The following UBE2E1 variants were observed in gnomAD, a reference collection of about 807,000 sequenced individuals.
UBE2E1 encodes ubiquitin-conjugating enzyme E2 E1.
A neutral mutation model predicts 21.4 loss-of-function variants in UBE2E1; 6 were observed. That is an observed-to-expected ratio of 0.28 (90% CI 0.15 to 0.55). The LOEUF (loss-of-function observed/expected upper bound fraction) is 0.55, where lower values mean the gene tolerates loss of function less well. Ranked by LOEUF, UBE2E1 falls within the 20% of genes least tolerant of loss-of-function variation. The pLI, the probability that UBE2E1 is intolerant of heterozygous loss-of-function variation, is 0.93. For synonymous variants in UBE2E1, 87 were observed against 82.7 expected, an observed-to-expected ratio of 1.05 and a Z score of -0.28; for missense variants, 142 against 236.5, an observed-to-expected ratio of 0.60 and a Z score of 2.62.
intron 3 of UBE2E1, among the ~76,000 whole-genome samples, chr3:23,849,011 G>A (rs1383243391): frequency 6.6e-6 from 1 of 152,172 alleles, no homozygotes; most frequent in Non-Finnish European, 1.5e-5. Flanking sequence ...GATATACCAT[G>A]TTTATCCATA....
At chr3:23,856,331 T>C (rs1222478130) in intron 3 of UBE2E1, among the ~76,000 whole-genome samples, 1 of 152,340 alleles carries the variant, frequency 6.6e-6, no homozygotes, top group Non-Finnish European at 1.5e-5. Flanking sequence ...TGGTTTCTTA[T>C]ATCATACTGT....
At chr3:23,867,966 T>C (rs1396998367) in intron 3 of UBE2E1, among the ~76,000 whole-genome samples, 2 of 152,204 alleles carry the variant, frequency 1.3e-5, no homozygotes, top group African/African-American at 2.4e-5. Flanking sequence ...CATTGGGCTA[T>C]AGATGGGAAT....
At position 23,889,213 on chromosome 3, in the gene UBE2E1, T is replaced by C. The variant is rs767713620; in HGVS notation, c.438T>C (p.Ser146=). The change falls in exon 5 of 6, where the codon TCT becomes TCC. Residue 146 remains serine (S), a synonymous_variant. Coordinates refer to ENST00000306627, the MANE Select transcript of UBE2E1 (RefSeq NM_003341.5). ...KDNWSPALTI[S]KVLLSICSLL... Reference sequence around the variant, plus strand: ...ATTGGAGTCCAGCACTAACCATTTCTAAAGTCCTCCTTTCTATCTGCTCAC... The same window carrying C: ...ATTGGAGTCCAGCACTAACCATTTCCAAAGTCCTCCTTTCTATCTGCTCAC... 6.2e-7 allele frequency: 1 copy of C among 1,613,848 alleles called. No individual in the cohort carries two copies. Among genetic ancestry groups the C allele is most frequent in the African/African-American group, 1.3e-5 (1 of 75,056 alleles).
chr3:23,819,845 A>C (rs1208704568), intron 3 of UBE2E1, among the ~76,000 whole-genome samples: 1 of 152,182 alleles, frequency 6.6e-6, no homozygotes, highest in Non-Finnish European at 1.5e-5. Context: ...AAAAGATGTG[A>C]TCTCTGCTGC....
chr3:23,854,339 A>G (rs994331347), intron 3 of UBE2E1, among the ~76,000 whole-genome samples: 5 of 152,076 alleles, frequency 3.3e-5, no homozygotes, highest in African/African-American at 1.2e-4. Flanking sequence ...AGATATACCA[A>G]AGTATTTGGG....
intron 3 of UBE2E1, among the ~76,000 whole-genome samples, chr3:23,839,070 G>A (rs1575821361): frequency 6.6e-6 from 1 of 151,804 alleles, no homozygotes; most frequent in East Asian, 1.9e-4. Flanking sequence ...CCCTCTCCCA[G>A]CATTAGTGCT....
At position 23,871,869 on chromosome 3, in the gene UBE2E1, G is replaced by A. The variant is rs1439620352; in HGVS notation, c.204-15698G>A. 2.6e-5 allele frequency among the ~76,000 whole-genome samples: 4 copies of A among 151,846 alleles called. No homozygotes were observed. The South Asian group carries it at 6.3e-4, about 24-fold the overall frequency. Reference sequence around the variant, plus strand: ...CTAGATGGGATGGCGGCGGGGCAGAGACGCTCCTCACTTTCCAGACTGGGC... The same window carrying A: ...CTAGATGGGATGGCGGCGGGGCAGAAACGCTCCTCACTTTCCAGACTGGGC... On this transcript the variant is annotated intron_variant, in intron 3 of 5. Transcript: ENST00000306627.
chr3:23,844,916 C>T (rs1348925496), intron 3 of UBE2E1, among the ~76,000 whole-genome samples: 2 of 152,008 alleles, frequency 1.3e-5, no homozygotes, highest in South Asian at 2.1e-4. Flanking sequence ...CAGAGATGGA[C>T]ATGTGTATAT....
chr3:23,872,207 C>T (rs1700813257), intron 3 of UBE2E1, among the ~76,000 whole-genome samples: 1 of 152,154 alleles, frequency 6.6e-6, no homozygotes, highest in Non-Finnish European at 1.5e-5. Flanking sequence ...CCCGTCTCCA[C>T]CAAAAAAATA....
At chr3:23,819,208 C>T (rs772434724) in intron 3 of UBE2E1, among the ~76,000 whole-genome samples, 37 of 152,086 alleles carry the variant, frequency 2.4e-4, no homozygotes, top group Non-Finnish European at 4.7e-4. Flanking sequence ...CGCTTGAACC[C>T]GGGAGACAGG....
rs185843058 is a variant in UBE2E1 at position 23,873,093 on chromosome 3, C to A, written c.204-14474C>A. ...ATGACTTTAATGTCTGACTTCTTAGCAGACAGGTAGATTTTCATACCTGCT... is the reference window on the plus strand; with the variant it reads ...ATGACTTTAATGTCTGACTTCTTAGAAGACAGGTAGATTTTCATACCTGCT... On this transcript the variant is annotated intron_variant, in intron 3 of 5. Coordinates refer to ENST00000306627, the MANE Select transcript of UBE2E1 (RefSeq NM_003341.5). Among the ~76,000 whole-genome samples the A allele has an allele frequency of 7.9e-3, 1,201 of 152,270 alleles. 9 individuals carry two copies. The highest frequency in any genetic ancestry group is 0.012 in the South Asian group (59 of 4,832).
intron 3 of UBE2E1, among the ~76,000 whole-genome samples, chr3:23,879,810 T>C (rs899245958): frequency 6.6e-6 from 1 of 152,238 alleles, no homozygotes; most frequent in Non-Finnish European, 1.5e-5. Flanking sequence ...TCACTTTTTT[T>C]CTAGGGTATG....
chr3:23,889,065 C>A, intron 4 of UBE2E1, 47 bp from the exon 5 acceptor site: 3 of 1,541,240 alleles, frequency 1.9e-6, no homozygotes, highest in Non-Finnish European at 2.6e-6. Context: ...TATTTAGTAA[C>A]AAGTTTGTTT....
At chr3:23,885,881 A>C (rs9812870) in intron 3 of UBE2E1, among the ~76,000 whole-genome samples, 19,750 of 151,384 alleles carry the variant, frequency 0.13, 1,762 homozygotes, top group African/African-American at 0.24. Flanking sequence ...CAAAAAAAAC[A>C]AAACAAACAA....
intron 2 of UBE2E1, 32 bp downstream of exon 2, chr3:23,807,453 C>T (rs948073257): frequency 6.3e-7 from 1 of 1,595,452 alleles, no homozygotes; most frequent in Non-Finnish European, 8.5e-7. Flanking sequence ...CCACAGGCTT[C>T]CTATTTCCGA....
chr3:23,848,240 G>A (rs1053051227), intron 3 of UBE2E1, among the ~76,000 whole-genome samples: 5 of 152,258 alleles, frequency 3.3e-5, no homozygotes, highest in African/African-American at 1.2e-4. Flanking sequence ...AGGCCAAGGC[G>A]GATGGATCAC....
chr3:23,815,946 G>C (rs546787973), intron 3 of UBE2E1, among the ~76,000 whole-genome samples: 2 of 152,298 alleles, frequency 1.3e-5, no homozygotes, highest in East Asian at 3.9e-4. Flanking sequence ...CCAGGAGACT[G>C]GGGTTTCAGC....
chr3:23,864,423 C>G (rs2125315470), intron 3 of UBE2E1, among the ~76,000 whole-genome samples: 1 of 152,280 alleles, frequency 6.6e-6, no homozygotes, highest in South Asian at 2.1e-4. Flanking sequence ...AAATCTTTGT[C>G]CTTCCTATGG....
chr3:23,834,695 C>T (rs1044021049), intron 3 of UBE2E1, among the ~76,000 whole-genome samples: 3 of 152,038 alleles, frequency 2.0e-5, no homozygotes, highest in African/African-American at 7.2e-5. Flanking sequence ...CATCACTGCA[C>T]TCCTTCCTGG....
Sources: gnomAD v4.1 joint callset for allele counts (sites outside exome capture counted in the v4.1 genomes callset) on GRCh38, gnomAD v4.1.1 for gene constraint, MANE v1.5 for transcripts, NCBI Gene and HGNC (gene_info 2026-07-23, HGNC 2026-07-21) for gene names.